The following DOCK5 variants were observed in gnomAD, a reference collection of about 807,000 sequenced individuals.
DOCK5 encodes dedicator of cytokinesis 5, also known as dedicator of cytokinesis protein 5.
A neutral mutation model predicts 251.8 loss-of-function variants in DOCK5; 142 were observed. The observed-to-expected ratio is 0.56, with a 90% CI of 0.49 to 0.65. The LOEUF is 0.65. Among genes scored for constraint, DOCK5 ranks in the 30% least tolerant of loss-of-function variants. The pLI is 0.00. For missense variants in DOCK5, 2,111 were observed against 2,312.3 expected (o/e 0.91, Z 1.79); for synonymous variants, 842 against 835.5 (o/e 1.01, Z -0.13).
At chr8:25,367,043 G>A (rs1212271211) in intron 31 of DOCK5, 73 bp downstream of exon 31, 11 of 1,347,046 alleles carry the variant, frequency 8.2e-6, no homozygotes, top group East Asian at 2.4e-5. Flanking sequence ...AATATTTTAG[G>A]TATCACAGAA....
intron 31 of DOCK5, 140 bp downstream of exon 31, chr8:25,367,110 T>C (rs1050971956): frequency 1.7e-5 from 12 of 713,790 alleles, no homozygotes; most frequent in Non-Finnish European, 2.9e-5. Context: ...ACTAATTACT[T>C]AATAGGCCTC....
At chr8:25,389,263 G>A (rs1278961387) in intron 41 of DOCK5, 31 bp downstream of exon 41, 2 of 1,605,044 alleles carry the variant, frequency 1.2e-6, no homozygotes, top group Admixed American at 1.7e-5. Context: ...ATGGCCCCGA[G>A]GCTCTTATGG....
At chr8:25,235,799 CTTTTTT>C (rs924321586) in intron 1 of DOCK5, among the ~76,000 whole-genome samples, 13 of 128,606 alleles carry the variant, frequency 1.0e-4, no homozygotes, top group Non-Finnish European at 1.5e-4. Context: ...TTTTCTTTTC[CTTTTTT>C]TTTTTTTTTT....
At position 25,325,551 on chromosome 8, in the gene DOCK5, G is replaced by A; in HGVS notation, c.1903+4G>A. On this transcript the variant is annotated splice_donor_region_variant and intron_variant, in intron 18 of 51. Coordinates refer to ENST00000276440, the MANE Select transcript of DOCK5 (RefSeq NM_024940.8). ...TCCACAAAGCTCACCCAGAATGGTAGGAGTGGTGAATACACTGACACAAAT... is the reference window on the plus strand; with the variant it reads ...TCCACAAAGCTCACCCAGAATGGTAAGAGTGGTGAATACACTGACACAAAT... The A allele has an allele frequency of 6.2e-7, 1 of 1,612,942 alleles. No homozygotes were observed.
intron 5 of DOCK5, among the ~76,000 whole-genome samples, chr8:25,284,053 A>G (rs558274596): frequency 3.9e-5 from 6 of 152,328 alleles, no homozygotes; most frequent in African/African-American, 1.4e-4. Context: ...TATTATATTC[A>G]GAAAAAAATG....
chr8:25,238,367 T>C (rs186720467), intron 1 of DOCK5, among the ~76,000 whole-genome samples: 28 of 152,314 alleles, frequency 1.8e-4, no homozygotes, highest in Admixed American at 1.3e-3. Flanking sequence ...ATTACTAAGA[T>C]ATATATGAAA....
At chr8:25,320,232 G>C (rs998692013) in intron 15 of DOCK5, among the ~76,000 whole-genome samples, 1 of 152,032 alleles carries the variant, frequency 6.6e-6, no homozygotes, top group African/African-American at 2.4e-5. Flanking sequence ...TCTGAATCCC[G>C]GGCTCCATCA....
chr8:25,230,586 C>G (rs757357214), intron 1 of DOCK5, among the ~76,000 whole-genome samples: 1 of 152,120 alleles, frequency 6.6e-6, no homozygotes, highest in Non-Finnish European at 1.5e-5. Flanking sequence ...CATGGTGACT[C>G]ATGCCTGTAA....
At chr8:25,253,260 G>A (rs779627479) in intron 2 of DOCK5, among the ~76,000 whole-genome samples, 1 of 152,116 alleles carries the variant, frequency 6.6e-6, no homozygotes, top group African/African-American at 2.4e-5. Flanking sequence ...TACCTATTTG[G>A]GCAGCTCCTA....
At position 25,354,779 on chromosome 8, in the gene DOCK5, C is replaced by T. The variant is rs184833295; in HGVS notation, c.2850+2953C>T. 1.2e-3 allele frequency among the ~76,000 whole-genome samples: 188 copies of T among 152,196 alleles called. 2 individuals carry two copies. The highest frequency in any genetic ancestry group is 2.5e-4 in the Non-Finnish European group (17 of 67,996). On this transcript the variant is annotated intron_variant, in intron 27 of 51. Transcript: ENST00000276440. ...ATTAGGAAATACATTTATAAAATAA[C>T]ATCAATTCAATAAAAGGAAAAAAGC...
intron 2 of DOCK5, among the ~76,000 whole-genome samples, chr8:25,260,598 C>A (rs1256911177): frequency 6.6e-6 from 1 of 152,150 alleles, no homozygotes; most frequent in Non-Finnish European, 1.5e-5. Flanking sequence ...GTGCCAGAGT[C>A]TACAAGCATT....
At position 25,410,103 on chromosome 8, in the gene DOCK5, C is replaced by T; in HGVS notation, c.5409C>T (p.Ser1803=). 1 of 1,612,874 alleles carries T rather than the reference C, an allele frequency of 6.2e-7. No individual in the cohort carries two copies. Among genetic ancestry groups the T allele is most frequent in the Non-Finnish European group, 8.5e-7 (1 of 1,179,416 alleles). The stretch of plus-strand genomic sequence containing the variant: ...TGCACTTTCTGTCATTTCTAGGCTC[C>T]CCATCGTTGCAGACAGATGGAATCG... ...LTPKATRTLS[S]PSLQTDGIAA... is the part of the protein sequence containing the mutation. The change falls in exon 51 of 52, where the codon TCC becomes TCT. Residue 1803 remains serine, a synonymous_variant. Transcript: ENST00000276440.
intron 1 of DOCK5, among the ~76,000 whole-genome samples, chr8:25,218,097 A>T (rs1271232452): frequency 6.6e-6 from 1 of 152,260 alleles, no homozygotes; most frequent in Admixed American, 6.5e-5. Context: ...TCCTGGAGGC[A>T]GGTACATGAA....
In DOCK5 at chr8:25,369,601, G is replaced by A. The variant is rs764496714; in HGVS notation, c.3484G>A (p.Gly1162Ser). ...AAAGCTGGACCAGGAGGTAGAAGGG[G>A]GCAGAGGAGACGAACAATACAAGGT... is the stretch of plus-strand genomic sequence containing the variant. ...ITKLDQEVEG[G>S]RGDEQYKVLL... Residue 1162 changes from glycine to serine, a missense_variant, in exon 34 of 52, where the codon GGC becomes AGC. Coordinates refer to ENST00000276440, the MANE Select transcript of DOCK5 (RefSeq NM_024940.8). The A allele has an allele frequency of 6.2e-7, 1 of 1,611,828 alleles. No individual in the cohort carries two copies. The highest frequency in any genetic ancestry group is 8.5e-7 in the Non-Finnish European group (1 of 1,179,038).
chr8:25,293,073 C>G (rs1259898944), intron 6 of DOCK5, among the ~76,000 whole-genome samples: 3 of 152,168 alleles, frequency 2.0e-5, no homozygotes, highest in Admixed American at 6.5e-5. Flanking sequence ...AAATTCAGTC[C>G]TATATCCAAA....
chr8:25,410,228 T>C, intron 51 of DOCK5, 26 bp downstream of exon 51: 1 of 1,602,494 alleles, frequency 6.2e-7, no homozygotes, highest in Non-Finnish European at 8.5e-7. Flanking sequence ...CTGGCAACTG[T>C]GGCCAGGGAG....
chr8:25,314,398 C>T (rs1380058892), intron 13 of DOCK5, among the ~76,000 whole-genome samples: 1 of 151,842 alleles, frequency 6.6e-6, no homozygotes, highest in Non-Finnish European at 1.5e-5. Flanking sequence ...AGATTACAGG[C>T]ATGAGCCACA....
chr8:25,390,302 A>AT lies in DOCK5; in HGVS notation c.4355+18dup. ...CAGATCTTAAAGTAAGTGGTTTTTCATTTAAAAAAAAAAAAAATCTGTGTC... is the reference window on the plus strand; with the variant it reads ...CAGATCTTAAAGTAAGTGGTTTTTCATTTTAAAAAAAAAAAAAATCTGTGTC... On this transcript the variant is annotated intron_variant, in intron 42 of 51. Transcript: ENST00000276440. 6.6e-7 allele frequency: 1 copy of AT among 1,520,102 alleles called. No individual in the cohort carries two copies. The highest frequency in any genetic ancestry group is 1.2e-5 in the South Asian group (1 of 81,308). The allele number at this position is 1,520,102 out of a possible 1,614,324, so 94.2% of individuals were successfully genotyped here.
chr8:25,245,274 T>G (rs1344608845), intron 2 of DOCK5, among the ~76,000 whole-genome samples: 24 of 152,140 alleles, frequency 1.6e-4, no homozygotes, highest in Admixed American at 1.6e-3. Context: ...GCCAGGATGG[T>G]CTCGATCTCC....
Sources: allele counts gnomAD v4.1 joint callset (sites outside exome capture counted in the v4.1 genomes callset), GRCh38; gene constraint gnomAD v4.1.1; transcripts MANE v1.5; gene names NCBI Gene and HGNC (gene_info 2026-07-23, HGNC 2026-07-21).